The following LINGO2 variants were observed in gnomAD, a reference collection of about 807,000 sequenced individuals.
LINGO2 encodes the protein leucine rich repeat and Ig domain containing 2, also known as leucine-rich repeat and immunoglobulin-like domain-containing nogo receptor-interacting protein 2.
A neutral mutation model predicts 30.6 loss-of-function variants in LINGO2; 14 were observed. That is an observed-to-expected ratio of 0.46 (90% CI 0.30 to 0.72). The LOEUF is 0.72. LINGO2 is among the 30% of genes least tolerant of loss of function. LINGO2 has a pLI of 0.07. For synonymous variants in LINGO2, 317 were observed against 288.5 expected, an observed-to-expected ratio of 1.10 and a Z score of -1.00; for missense variants, 729 against 751.7, an observed-to-expected ratio of 0.97 and a Z score of 0.35.
At chr9:27,988,497 C>T (rs1821234770) in intron 5 of LINGO2, among the ~76,000 whole-genome samples, 1 of 152,020 alleles carries the variant, frequency 6.6e-6, no homozygotes, top group African/African-American at 2.4e-5. Flanking sequence ...TTCTCCACAT[C>T]CTCTCCAGCA....
chr9:28,394,420 C>T (rs1256356795), intron 2 of LINGO2, among the ~76,000 whole-genome samples: 2 of 152,078 alleles, frequency 1.3e-5, no homozygotes, highest in Non-Finnish European at 2.9e-5. Flanking sequence ...CCTCTTTTTT[C>T]CCCACTGCCC....
chr9:29,148,649 G>A, the LINGO2 span, among the ~76,000 whole-genome samples: 1 of 152,120 alleles, frequency 6.6e-6, no homozygotes, highest in South Asian at 2.1e-4. Context: ...AATGAAACAA[G>A]GAGCATAGAA....
chr9:28,319,827 T>C (rs980460878), intron 3 of LINGO2, among the ~76,000 whole-genome samples: 1 of 152,098 alleles, frequency 6.6e-6, no homozygotes, highest in African/African-American at 2.4e-5. Context: ...CTCATAGAAC[T>C]GAATCCTAAA....
chr9:29,175,522 ATTT>A, the LINGO2 span, among the ~76,000 whole-genome samples: 7,065 of 110,466 alleles, frequency 0.064, 136 homozygotes, highest in Non-Finnish European at 0.09. Flanking sequence ...TATCTCCGAG[ATTT>A]TTTTTTTTTT....
chr9:29,090,226 C>T, the LINGO2 span, among the ~76,000 whole-genome samples: 1 of 151,970 alleles, frequency 6.6e-6, no homozygotes, highest in Non-Finnish European at 1.5e-5. Flanking sequence ...TTCATCATTC[C>T]TGATACACAT....
intron 1 of LINGO2, among the ~76,000 whole-genome samples, chr9:28,611,717 T>G (rs1317012368): frequency 6.6e-6 from 1 of 152,130 alleles, no homozygotes; most frequent in Non-Finnish European, 1.5e-5. Context: ...ACAACAGGAT[T>G]TCTTTCTTCA....
At chr9:28,482,287 T>C (rs1456167502) in intron 1 of LINGO2, among the ~76,000 whole-genome samples, 2 of 152,066 alleles carry the variant, frequency 1.3e-5, no homozygotes, top group Non-Finnish European at 1.5e-5. Flanking sequence ...CAGCACCTGT[T>C]GTTTCCTGAC....
At chr9:27,967,620 A>C (rs1820160840) in intron 5 of LINGO2, among the ~76,000 whole-genome samples, 1 of 152,196 alleles carries the variant, frequency 6.6e-6, no homozygotes, top group Admixed American at 6.5e-5. Flanking sequence ...GTTTCAGAGA[A>C]GACACAGGCA....
At chr9:28,807,668 T>G in the LINGO2 span, among the ~76,000 whole-genome samples, 1 of 152,202 alleles carries the variant, frequency 6.6e-6, no homozygotes, top group Non-Finnish European at 1.5e-5. Context: ...ATTTGCCCCA[T>G]GTAAGCTTTT....
intron 4 of LINGO2, among the ~76,000 whole-genome samples, chr9:28,199,316 G>A (rs548910726): frequency 4.2e-5 from 6 of 141,364 alleles, no homozygotes; most frequent in Admixed American, 1.4e-4. Flanking sequence ...GAAAGACTAC[G>A]GGCTATCTTC....
At chr9:28,889,041 TG>T in the LINGO2 span, 1 of 429,142 alleles carries the variant, frequency 2.3e-6, no homozygotes, top group South Asian at 1.6e-5. Flanking sequence ...TCTGTTCCCC[TG>T]GAGTATCTTC....
chr9:29,109,475 G>C, the LINGO2 span, among the ~76,000 whole-genome samples: 4 of 152,042 alleles, frequency 2.6e-5, no homozygotes, highest in African/African-American at 9.7e-5. Context: ...TGCAATTTGG[G>C]GAAGCAGATG....
At chr9:28,273,405 G>C (rs547171895) in intron 4 of LINGO2, among the ~76,000 whole-genome samples, 25 of 152,256 alleles carry the variant, frequency 1.6e-4, no homozygotes, top group African/African-American at 5.3e-4. Context: ...ACTTCAAAAA[G>C]AAAGCCACGG....
chr9:28,014,566 AGAC>A (rs1563913299), intron 4 of LINGO2, among the ~76,000 whole-genome samples: 1 of 152,062 alleles, frequency 6.6e-6, no homozygotes, highest in Non-Finnish European at 1.5e-5. Flanking sequence ...ATCCAGGATA[AGAC>A]AATTAACAAA....
Position 28,430,609 on chromosome 9 carries a change from A to G in LINGO2, c.-279+45331T>C, listed in dbSNP as rs371001855. On this transcript the variant is annotated intron_variant, in intron 2 of 5. Coordinates refer to ENST00000379992, the Ensembl canonical transcript of LINGO2. ...AGATATGACTTCTTTTGTTTTACCT[A>G]TATTTTTCCTATATGCCATCAGTAT... Among the ~76,000 whole-genome samples the G allele has an allele frequency of 5.3e-5, 8 of 152,158 alleles. No individual in the cohort carries two copies. The East Asian group carries it at 1.4e-3, about 26-fold the overall frequency.
At chr9:28,478,908 C>CCAATA (rs1468856649) in intron 1 of LINGO2, among the ~76,000 whole-genome samples, 2 of 151,982 alleles carry the variant, frequency 1.3e-5, no homozygotes, top group Admixed American at 6.6e-5. Flanking sequence ...TTTGAGCTAA[C>CCAATA]TTCTGCACTT....
At chr9:28,785,362 A>C in the LINGO2 span, among the ~76,000 whole-genome samples, 42 of 152,282 alleles carry the variant, frequency 2.8e-4, no homozygotes, top group African/African-American at 9.1e-4. Context: ...GGATGGCTGA[A>C]TCCTTCTTAT....
chr9:29,126,167 C>T, the LINGO2 span, among the ~76,000 whole-genome samples: 1 of 152,116 alleles, frequency 6.6e-6, no homozygotes, highest in South Asian at 2.1e-4. Context: ...AATTATGTTG[C>T]TAATAAATAC....
intron 3 of LINGO2, among the ~76,000 whole-genome samples, chr9:28,327,699 A>G (rs997114578): frequency 2.0e-5 from 3 of 152,208 alleles, no homozygotes; most frequent in African/African-American, 7.2e-5. Flanking sequence ...TTATACATAT[A>G]TGGGCTTTGT....
Sources: gnomAD v4.1 joint callset for allele counts (sites outside exome capture counted in the v4.1 genomes callset) on GRCh38, gnomAD v4.1.1 for gene constraint, MANE v1.5 for transcripts, NCBI Gene and HGNC (gene_info 2026-07-23, HGNC 2026-07-21) for gene names.